Variants in CDH13 observed in about 807,000 individuals in gnomAD.
CDH13 encodes the protein cadherin 13, also known as cadherin-13.
Under a neutral mutation model 63.8 loss-of-function variants are expected in CDH13, and 24 were observed. The observed-to-expected ratio is 0.38, with a 90% CI of 0.27 to 0.53. The LOEUF is 0.53. Among genes scored for constraint, CDH13 ranks in the 20% least tolerant of loss-of-function variants. CDH13 has a pLI of 0.85. For synonymous variants in CDH13, 503 were observed against 355.3 expected, an observed-to-expected ratio of 1.42 and a Z score of -4.67; for missense variants, 1,049 against 903.1, an observed-to-expected ratio of 1.16 and a Z score of -2.07.
intron 9 of CDH13, among the ~76,000 whole-genome samples, chr16:83,676,797 T>C (rs1481339016): frequency 6.6e-6 from 1 of 152,218 alleles, no homozygotes; most frequent in Non-Finnish European, 1.5e-5. Flanking sequence ...TAGCACTGAA[T>C]ACATGTCAGC....
chr16:83,088,205 C>T (rs1324610146), intron 3 of CDH13, among the ~76,000 whole-genome samples: 1 of 152,178 alleles, frequency 6.6e-6, no homozygotes, highest in East Asian at 1.9e-4. Flanking sequence ...TTTGTGTTGA[C>T]ACATTGCAGA....
At position 82,898,450 on chromosome 16, in the gene CDH13, G is replaced by C. The variant is rs60753113; in HGVS notation, c.157+39977G>C. Among the ~76,000 whole-genome samples the C allele has an allele frequency of 3.0e-3, 451 of 152,304 alleles. 2 individuals carry two copies. Among genetic ancestry groups the C allele is most frequent in the African/African-American group, 0.01 (424 of 41,568 alleles). ...GGAGACAGGAGAATTACTTGAACCT[G>C]GGAGGCAGAGGTTGCAGTGAGCCAA... On this transcript the variant is annotated intron_variant, in intron 2 of 13. Coordinates refer to ENST00000567109, the MANE Select transcript of CDH13 (RefSeq NM_001257.5).
chr16:83,592,708 G>A (rs1906876505), intron 7 of CDH13, among the ~76,000 whole-genome samples: 1 of 152,164 alleles, frequency 6.6e-6, no homozygotes, highest in Admixed American at 6.5e-5. Flanking sequence ...CTTTGTCGCA[G>A]CCAGTAAATC....
At chr16:83,122,921 C>T (rs996734470) in intron 3 of CDH13, among the ~76,000 whole-genome samples, 3 of 152,018 alleles carry the variant, frequency 2.0e-5, no homozygotes, top group African/African-American at 7.2e-5. Context: ...CAGCTCTCAC[C>T]CTCCTCCCAC....
chr16:82,840,351 C>T (rs550796633), intron 1 of CDH13, among the ~76,000 whole-genome samples: 1 of 146,964 alleles, frequency 6.8e-6, no homozygotes, highest in African/African-American at 2.5e-5. Context: ...AACAAGTGGG[C>T]TAAAGAGGGA....
At chr16:83,523,879 G>A (rs2074896872) in intron 7 of CDH13, among the ~76,000 whole-genome samples, 1 of 152,196 alleles carries the variant, frequency 6.6e-6, no homozygotes, top group African/African-American at 2.4e-5. Context: ...TGGGAAAGAT[G>A]AAGCATCCAG....
At chr16:82,740,878 G>A (rs1163816242) in intron 1 of CDH13, among the ~76,000 whole-genome samples, 1 of 151,976 alleles carries the variant, frequency 6.6e-6, no homozygotes, top group Non-Finnish European at 1.5e-5. Context: ...TGAAAAATTG[G>A]GAAAAATAAT....
chr16:82,786,282 T>G (rs1354001383), intron 1 of CDH13, among the ~76,000 whole-genome samples: 1 of 152,190 alleles, frequency 6.6e-6, no homozygotes, highest in African/African-American at 2.4e-5. Context: ...TTTGATTTTT[T>G]TTTTAAATCT....
chr16:83,555,397 C>G (rs560557146), intron 7 of CDH13, among the ~76,000 whole-genome samples: 76 of 152,300 alleles, frequency 5.0e-4, no homozygotes, highest in African/African-American at 1.7e-3. Flanking sequence ...TGCAGTTTAA[C>G]TGATTCCCCA....
At chr16:83,360,960 A>G (rs1401887130) in intron 6 of CDH13, among the ~76,000 whole-genome samples, 1 of 152,116 alleles carries the variant, frequency 6.6e-6, no homozygotes, top group Non-Finnish European at 1.5e-5. Context: ...TTTATTTTGG[A>G]TATATACCCA....
intron 6 of CDH13, among the ~76,000 whole-genome samples, chr16:83,486,099 C>T (rs995409242): frequency 7.2e-5 from 11 of 152,016 alleles, no homozygotes; most frequent in South Asian, 2.1e-4. Context: ...GCCAAGATCA[C>T]GCCGCTGCAC....
At chr16:83,248,877 A>C (rs542675571) in intron 5 of CDH13, among the ~76,000 whole-genome samples, 1 of 152,126 alleles carries the variant, frequency 6.6e-6, no homozygotes, top group Non-Finnish European at 1.5e-5. Context: ...ATCATCCTCA[A>C]ATGTGATGTG....
At chr16:83,530,556 G>A (rs941293193) in intron 7 of CDH13, among the ~76,000 whole-genome samples, 2 of 152,216 alleles carry the variant, frequency 1.3e-5, no homozygotes, top group African/African-American at 2.4e-5. Context: ...AATGGTCTCT[G>A]TGAGTCTACT....
chr16:82,896,341 G>C (rs951085623), intron 2 of CDH13, among the ~76,000 whole-genome samples: 1 of 136,794 alleles, frequency 7.3e-6, no homozygotes, highest in Non-Finnish European at 1.5e-5. Flanking sequence ...TCCCAGGCTG[G>C]AGTGCAGTGG....
intron 1 of CDH13, among the ~76,000 whole-genome samples, chr16:82,696,534 TA>T (rs904626619): frequency 6.6e-6 from 1 of 151,892 alleles, no homozygotes; most frequent in African/African-American, 2.4e-5. Flanking sequence ...AGCAAATATG[TA>T]AAAAAAAGTC....
chr16:83,533,463 C>T lies in CDH13; in HGVS notation c.960+46808C>T, dbSNP rs1337990070. ...TGCCTGAAGCCGACAGACAGGAAGT[C>T]GGATCTGTGTAGGTAGAGTTGGCAG... On this transcript the variant is annotated intron_variant, in intron 7 of 13. Coordinates refer to ENST00000567109, the MANE Select transcript of CDH13 (RefSeq NM_001257.5). 3.9e-5 allele frequency among the ~76,000 whole-genome samples: 6 copies of T among 152,160 alleles called. No individual in the cohort carries two copies. The East Asian group carries it at 1.2e-3, about 29-fold the overall frequency.
At position 83,439,813 on chromosome 16, in the gene CDH13, C is replaced by G. The variant is rs368082064; in HGVS notation, c.782-46664C>G. 2.1e-4 allele frequency among the ~76,000 whole-genome samples: 32 copies of G among 152,296 alleles called. No homozygotes were observed. In the South Asian group the frequency reaches 6.6e-3, roughly 32 times the overall value. On this transcript the variant is annotated intron_variant, in intron 6 of 13. Transcript: ENST00000567109. The stretch of plus-strand genomic sequence containing the variant: ...GCCAGCTCCTGGAGGTCAGTGGCTA[C>G]TTTTCTTTTCCCCATCATATTTATT...
chr16:83,563,493 G>C (rs552842505), intron 7 of CDH13, among the ~76,000 whole-genome samples: 13 of 152,332 alleles, frequency 8.5e-5, no homozygotes, highest in African/African-American at 2.9e-4. Flanking sequence ...GAGATGTTCA[G>C]AATTTAATGT....
chr16:82,669,195 A>G (rs1360789643), intron 1 of CDH13, among the ~76,000 whole-genome samples: 1 of 152,168 alleles, frequency 6.6e-6, no homozygotes, highest in Non-Finnish European at 1.5e-5. Flanking sequence ...TGAGGACACC[A>G]TTCCTCTCTG....
Sources: gnomAD v4.1 joint callset for allele counts (sites outside exome capture counted in the v4.1 genomes callset) on GRCh38, gnomAD v4.1.1 for gene constraint, MANE v1.5 for transcripts, NCBI Gene and HGNC (gene_info 2026-07-23, HGNC 2026-07-21) for gene names.